Variants in SSBP2 observed in about 807,000 individuals in gnomAD.
SSBP2 encodes single-stranded DNA-binding protein 2.
SSBP2 carries 17 observed loss-of-function variants against 61.8 expected under a neutral mutation model. That is an observed-to-expected ratio of 0.28 (90% CI 0.19 to 0.41). The LOEUF (loss-of-function observed/expected upper bound fraction) is 0.41. Among genes scored for constraint, SSBP2 ranks in the 10% least tolerant of loss-of-function variants. The probability of loss-of-function intolerance (pLI) is 1.00; values close to 1 mark genes in which losing one functional copy is unlikely to be tolerated. For missense variants in SSBP2, 310 were observed against 458.7 expected, an observed-to-expected ratio of 0.68 and a Z score of 2.96; for synonymous variants, 139 against 141.3, an observed-to-expected ratio of 0.98 and a Z score of 0.12.
chr5:81,646,108 G>C (rs144240873), intron 2 of SSBP2, among the ~76,000 whole-genome samples: 173 of 152,210 alleles, frequency 1.1e-3, no homozygotes, highest in African/African-American at 4.1e-3. Flanking sequence ...TTCAGATAAT[G>C]CCTGGAGTTC....
At chr5:81,544,388 G>A (rs1279387077) in intron 4 of SSBP2, among the ~76,000 whole-genome samples, 1 of 152,100 alleles carries the variant, frequency 6.6e-6, no homozygotes, top group East Asian at 1.9e-4. Flanking sequence ...CTTTGACTCT[G>A]GAAGGCAATC....
At chr5:81,539,239 G>A (rs1771055581) in intron 4 of SSBP2, among the ~76,000 whole-genome samples, 1 of 152,208 alleles carries the variant, frequency 6.6e-6, no homozygotes, top group East Asian at 1.9e-4. Flanking sequence ...CACTGCAAAT[G>A]TAGTGGAAAT....
chr5:81,469,737 AT>A (rs959737102), intron 8 of SSBP2, among the ~76,000 whole-genome samples: 5 of 151,990 alleles, frequency 3.3e-5, no homozygotes, highest in African/African-American at 1.2e-4. Flanking sequence ...TGCTTGATAG[AT>A]TTGCAAAATA....
intron 5 of SSBP2, 85 bp downstream of exon 5, chr5:81,513,543 T>C (rs1002386433): frequency 3.7e-6 from 3 of 817,792 alleles, no homozygotes; most frequent in Non-Finnish European, 6.1e-6. Context: ...AAAATTAAAA[T>C]AGCCTTATCT....
At chr5:81,470,306 T>C (rs1378938945) in intron 8 of SSBP2, among the ~76,000 whole-genome samples, 1 of 138,642 alleles carries the variant, frequency 7.2e-6, no homozygotes, top group African/African-American at 3.0e-5. Context: ...TCATATATGA[T>C]ATTAGAAAAG....
chr5:81,675,210 G>A (rs545149725), intron 1 of SSBP2, among the ~76,000 whole-genome samples: 7 of 152,014 alleles, frequency 4.6e-5, no homozygotes, highest in Non-Finnish European at 8.8e-5. Context: ...TTGCCTCCAG[G>A]GTCTCTCCAC....
At chr5:81,673,945 T>C (rs1445463524) in intron 1 of SSBP2, among the ~76,000 whole-genome samples, 1 of 152,166 alleles carries the variant, frequency 6.6e-6, no homozygotes, top group Non-Finnish European at 1.5e-5. Flanking sequence ...AAAATACAGG[T>C]TGAAGCCAGG....
At chr5:81,633,269 C>A (rs1443603243) in intron 3 of SSBP2, among the ~76,000 whole-genome samples, 2 of 151,852 alleles carry the variant, frequency 1.3e-5, no homozygotes, top group Non-Finnish European at 2.9e-5. Flanking sequence ...GTGCCTGCCA[C>A]CAGTGCCTGG....
chr5:81,460,117 T>A (rs1348356592), intron 10 of SSBP2, among the ~76,000 whole-genome samples: 1 of 152,236 alleles, frequency 6.6e-6, no homozygotes, highest in Non-Finnish European at 1.5e-5. Flanking sequence ...TGATTCTTCC[T>A]ATACCCTAAC....
chr5:81,688,267 C>T (rs1438489252), intron 1 of SSBP2, among the ~76,000 whole-genome samples: 1 of 152,132 alleles, frequency 6.6e-6, no homozygotes, highest in African/African-American at 2.4e-5. Context: ...AATAGAATAC[C>T]AAGTAGATTC....
At chr5:81,681,350 T>C (rs972074129) in intron 1 of SSBP2, among the ~76,000 whole-genome samples, 3 of 151,898 alleles carry the variant, frequency 2.0e-5, no homozygotes, top group African/African-American at 7.3e-5. Context: ...CAAAACCCCA[T>C]CTCTACTAAA....
intron 1 of SSBP2, among the ~76,000 whole-genome samples, chr5:81,711,992 A>AT (rs905334799): frequency 6.6e-6 from 1 of 151,894 alleles, no homozygotes; most frequent in Admixed American, 6.6e-5. Context: ...TATTTAAGCT[A>AT]TTTTTATTAT....
At chr5:81,493,845 G>T (rs1433955932) in intron 5 of SSBP2, among the ~76,000 whole-genome samples, 1 of 152,048 alleles carries the variant, frequency 6.6e-6, no homozygotes, top group Non-Finnish European at 1.5e-5. Context: ...TGATTATCCT[G>T]CCTTGACTTC....
intron 4 of SSBP2, among the ~76,000 whole-genome samples, chr5:81,568,351 CT>C (rs1773592731): frequency 6.6e-6 from 1 of 152,264 alleles, no homozygotes; most frequent in African/African-American, 2.4e-5. Flanking sequence ...TCCTCATTCT[CT>C]CTTTGCCTGC....
At chr5:81,428,729 T>C (rs1356171177) in intron 15 of SSBP2, 46 bp from the exon 16 acceptor site, 3 of 1,404,400 alleles carry the variant, frequency 2.1e-6, no homozygotes, top group South Asian at 1.2e-5. Context: ...AAATTTTAAT[T>C]TCCCTCTTGC....
At chr5:81,487,257 A>G (rs1474834625) in intron 6 of SSBP2, among the ~76,000 whole-genome samples, 6 of 152,226 alleles carry the variant, frequency 3.9e-5, no homozygotes, top group African/African-American at 1.4e-4. Flanking sequence ...CTCGGGTTAT[A>G]TACATACAGT....
At chr5:81,608,238 C>G (rs984517889) in intron 4 of SSBP2, among the ~76,000 whole-genome samples, 2 of 152,118 alleles carry the variant, frequency 1.3e-5, no homozygotes, top group Non-Finnish European at 2.9e-5. Context: ...TTTAATTTTT[C>G]TCTCTTCCTC....
At chr5:81,525,491 C>T (rs138584464) in intron 4 of SSBP2, among the ~76,000 whole-genome samples, 104 of 152,064 alleles carry the variant, frequency 6.8e-4, no homozygotes, top group African/African-American at 2.3e-3. Flanking sequence ...GTAGAGCTAA[C>T]ATTCTTGAGA....
At chr5:81,550,414 A>G (rs918208011) in intron 4 of SSBP2, among the ~76,000 whole-genome samples, 5 of 152,246 alleles carry the variant, frequency 3.3e-5, no homozygotes, top group Non-Finnish European at 5.9e-5. Context: ...TTGAATAAAT[A>G]GCATTATTGA....
Sources: allele counts gnomAD v4.1 joint callset (sites outside exome capture counted in the v4.1 genomes callset), GRCh38; gene constraint gnomAD v4.1.1; transcripts MANE v1.5; gene names NCBI Gene and HGNC (gene_info 2026-07-23, HGNC 2026-07-21).